DLGAP1: variants seen among roughly 807,000 people sequenced by gnomAD.
DLGAP1 encodes disks large-associated protein 1.
DLGAP1 carries 11 observed loss-of-function variants against 90.8 expected under a neutral mutation model. The ratio of observed to expected loss-of-function variants is 0.12; its 90% confidence interval spans 0.08 to 0.20. DLGAP1 has a LOEUF of 0.20. Among genes scored for constraint, DLGAP1 ranks in the 10% least tolerant of loss-of-function variants. DLGAP1 has a pLI of 1.00. For missense variants in DLGAP1, 1,050 were observed against 1,333.8 expected (o/e 0.79, Z 3.31); for synonymous variants, 558 against 540.7 (o/e 1.03, Z -0.44).
intron 1 of DLGAP1, among the ~76,000 whole-genome samples, chr18:4,159,078 T>C (rs2076802787): frequency 6.6e-6 from 1 of 152,196 alleles, no homozygotes; most frequent in African/African-American, 2.4e-5. Context: ...TTTGAAAGAA[T>C]GAGCAGTTGC....
At chr18:3,579,303 C>T (rs1368670732) in intron 8 of DLGAP1, among the ~76,000 whole-genome samples, 1 of 152,172 alleles carries the variant, frequency 6.6e-6, no homozygotes, top group Non-Finnish European at 1.5e-5. Flanking sequence ...CTCCGTCTAT[C>T]GGGTTCAAGG....
At chr18:4,422,912 A>G (rs1482273791) in intron 1 of DLGAP1, among the ~76,000 whole-genome samples, 1 of 152,052 alleles carries the variant, frequency 6.6e-6, no homozygotes, top group Non-Finnish European at 1.5e-5. Flanking sequence ...ACATCCACAA[A>G]CGTAAATTAT....
chr18:4,171,946 A>G (rs1946166117), intron 1 of DLGAP1, among the ~76,000 whole-genome samples: 1 of 152,208 alleles, frequency 6.6e-6, no homozygotes, highest in Non-Finnish European at 1.5e-5. Context: ...CAGGGCACAG[A>G]GCCTCCTGGA....
intron 5 of DLGAP1, among the ~76,000 whole-genome samples, chr18:3,794,780 A>G (rs1375808025): frequency 2.0e-5 from 3 of 152,242 alleles, no homozygotes; most frequent in Non-Finnish European, 4.4e-5. Context: ...TGCTCAATCT[A>G]TTCAGCAGCG....
At position 3,502,580 on chromosome 18, in the gene DLGAP1, C is replaced by T; in HGVS notation, c.2637G>A (p.Leu879=). ...ATTTCATACTAATATTTTCTATGGA[C>T]AACTGCAGCATGTCCCAAAACCCCG... ...DLAGFWDMLQ[L]SIENISMKFD... Residue 879 remains leucine, a synonymous_variant, in exon 12 of 13, where the codon TTG becomes TTA. Transcript: ENST00000315677. The T allele has an allele frequency of 6.2e-7, 1 of 1,614,082 alleles. No individual in the cohort carries two copies. Among genetic ancestry groups the T allele is most frequent in the Non-Finnish European group, 8.5e-7 (1 of 1,180,012 alleles).
rs1320818059 is a variant in DLGAP1, at chr18:3,526,770, TAGA to T, written c.2479+7421_2479+7423del. Among the ~76,000 whole-genome samples the T allele has an allele frequency of 6.6e-6, 1 of 152,218 alleles. No homozygotes were observed. Among genetic ancestry groups the T allele is most frequent in the Non-Finnish European group, 1.5e-5 (1 of 68,040 alleles). ...TCCATCTGGTCGTTTCATCCCCGGT[TAGA>T]TAATACCAGACGTATCTATGTAACA... On this transcript the variant is annotated intron_variant, in intron 10 of 12. Transcript: ENST00000315677. This position sits in a 1 kb window ranked among gnomAD's most constrained non-coding sequence, Gnocchi z 4.7.
chr18:3,560,937 CT>C (rs1332311986), intron 9 of DLGAP1, among the ~76,000 whole-genome samples: 2 of 150,890 alleles, frequency 1.3e-5, no homozygotes, highest in East Asian at 3.8e-4. Context: ...TCATATAACA[CT>C]GTGACACTTC....
intron 9 of DLGAP1, among the ~76,000 whole-genome samples, chr18:3,539,864 T>C (rs1331639003): frequency 1.3e-5 from 2 of 151,818 alleles, no homozygotes; most frequent in Admixed American, 6.5e-5. Flanking sequence ...TCCCCTGGCC[T>C]CTGCTTAGCG....
intron 4 of DLGAP1, among the ~76,000 whole-genome samples, chr18:3,847,987 G>A (rs762125397): frequency 2.0e-5 from 3 of 151,832 alleles, no homozygotes; most frequent in African/African-American, 4.8e-5. Flanking sequence ...AAATTAACCA[G>A]GTAAAATTAG....
Position 3,553,301 on chromosome 18 carries a change from C to T in DLGAP1, c.2057+14189G>A, listed in dbSNP as rs142361170. Among the ~76,000 whole-genome samples the T allele has an allele frequency of 2.1e-3, 318 of 152,260 alleles. 3 individuals carry two copies. In the East Asian group the frequency reaches 0.024, roughly 12 times the overall value. ...ACTATACATAGGATTATTCCACCAACTCTTTAAATGTTCGTGGAAAAAGTG... is the reference window on the plus strand; with the variant it reads ...ACTATACATAGGATTATTCCACCAATTCTTTAAATGTTCGTGGAAAAAGTG... On this transcript the variant is annotated intron_variant, in intron 9 of 12. Coordinates refer to ENST00000315677, the MANE Select transcript of DLGAP1 (RefSeq NM_004746.4).
chr18:3,745,585 T>G (rs781286160), intron 5 of DLGAP1, among the ~76,000 whole-genome samples: 4 of 152,122 alleles, frequency 2.6e-5, no homozygotes, highest in Non-Finnish European at 5.9e-5. Flanking sequence ...ATGTGGTTGA[T>G]GAGTAAGGAG....
At chr18:4,020,605 A>C (rs2074593221) in intron 2 of DLGAP1, among the ~76,000 whole-genome samples, 1 of 152,178 alleles carries the variant, frequency 6.6e-6, no homozygotes, top group African/African-American at 2.4e-5. Context: ...AAGAGACCTG[A>C]CCTAACCAAC....
chr18:4,083,847 G>A (rs1027878266), intron 2 of DLGAP1, among the ~76,000 whole-genome samples: 2 of 152,086 alleles, frequency 1.3e-5, no homozygotes, highest in African/African-American at 4.8e-5. Context: ...GTGTTACAGG[G>A]TGCTCTTTCA....
rs112072228 is a variant in DLGAP1, at chr18:3,955,709, C to T, written c.-73+49407G>A. Among the ~76,000 whole-genome samples the T allele has an allele frequency of 9.3e-3, 1,367 of 146,458 alleles. 22 individuals carry two copies. The highest frequency in any genetic ancestry group is 0.027 in the African/African-American group (1,067 of 40,060). On this transcript the variant is annotated intron_variant, in intron 3 of 12. Coordinates refer to ENST00000315677, the MANE Select transcript of DLGAP1 (RefSeq NM_004746.4). ...ACCCTGGGCAAAAAGAGTGAAACTC[C>T]GTCTCAAAAAAAAAAAAAAGTTAGG...
intron 3 of DLGAP1, among the ~76,000 whole-genome samples, chr18:3,921,594 T>C (rs1373115937): frequency 6.6e-6 from 1 of 152,202 alleles, no homozygotes; most frequent in Non-Finnish European, 1.5e-5. Context: ...CAAAAGATAT[T>C]TGTCAAAGCA....
At chr18:3,882,689 G>T (rs1471771104) in intron 3 of DLGAP1, among the ~76,000 whole-genome samples, 1 of 152,090 alleles carries the variant, frequency 6.6e-6, no homozygotes, top group Admixed American at 6.6e-5. Flanking sequence ...CCATTTCCAA[G>T]CTCGGATCTT....
At chr18:4,082,510 CA>C (rs59735494) in intron 2 of DLGAP1, among the ~76,000 whole-genome samples, 902 of 52,028 alleles carry the variant, frequency 0.017, 13 homozygotes, top group African/African-American at 0.07. Flanking sequence ...GACTTTGTCT[CA>C]AAAAAAAAAA....
At chr18:4,191,820 A>G (rs2077405904) in intron 1 of DLGAP1, among the ~76,000 whole-genome samples, 1 of 152,170 alleles carries the variant, frequency 6.6e-6, no homozygotes, top group Non-Finnish European at 1.5e-5. Context: ...TCCAACTGCA[A>G]TGACTCAGTG....
rs573096590 is a variant in DLGAP1, at chr18:3,498,842, G to T, written c.*343C>A. ...TTTATATTGCTGAACAGACTAGCTCGAGAGAACTGAGGACGGCGGGTGACC... is the reference window on the plus strand; with the variant it reads ...TTTATATTGCTGAACAGACTAGCTCTAGAGAACTGAGGACGGCGGGTGACC... On this transcript the variant is annotated 3_prime_UTR_variant, in exon 13 of 13. Coordinates refer to ENST00000315677, the MANE Select transcript of DLGAP1 (RefSeq NM_004746.4). The T allele has an allele frequency of 3.2e-6, 1 of 307,984 alleles. No individual in the cohort carries two copies. The highest frequency in any genetic ancestry group is 2.2e-5 in the African/African-American group (1 of 45,552). The allele number at this position is 307,984 out of a possible 1,614,324, so 19.1% of individuals were successfully genotyped here.
Sources: allele counts gnomAD v4.1 joint callset (sites outside exome capture counted in the v4.1 genomes callset), GRCh38; gene constraint gnomAD v4.1.1; non-coding constraint Gnocchi (gnomAD v3.1); transcripts MANE v1.5; gene names NCBI Gene and HGNC (gene_info 2026-07-23, HGNC 2026-07-21).